CHSY1: variants seen among roughly 807,000 people sequenced by gnomAD.
CHSY1 encodes the protein chondroitin sulfate synthase 1.
A neutral mutation model predicts 59.8 loss-of-function variants in CHSY1; 13 were observed. That is an observed-to-expected ratio of 0.22 (90% CI 0.14 to 0.35). The LOEUF is 0.35. CHSY1 is among the 10% of genes least tolerant of loss of function. The probability of loss-of-function intolerance (pLI) is 1.00; values close to 1 mark genes in which losing one functional copy is unlikely to be tolerated. For missense variants in CHSY1, 947 were observed against 1,030.6 expected (o/e 0.92, Z 1.11); for synonymous variants, 459 against 401.2 (o/e 1.14, Z -1.72).
At chr15:101,210,087 G>C (rs1425253512) in intron 2 of CHSY1, among the ~76,000 whole-genome samples, 1 of 151,958 alleles carries the variant, frequency 6.6e-6, no homozygotes, top group South Asian at 2.1e-4. Context: ...ATGTTTCTAG[G>C]AAAAAGCATG....
intron 2 of CHSY1, among the ~76,000 whole-genome samples, chr15:101,193,897 T>A (rs1006358634): frequency 6.6e-6 from 1 of 152,176 alleles, no homozygotes; most frequent in African/African-American, 2.4e-5. Context: ...TTCTGCTTGG[T>A]GAGCAGGTGG....
At chr15:101,185,369 G>T in intron 2 of CHSY1, among the ~76,000 whole-genome samples, 1 of 151,216 alleles carries the variant, frequency 6.6e-6, no homozygotes, top group African/African-American at 2.4e-5. Context: ...CCAGGCTCCA[G>T]GGCCATGGGA....
chr15:101,179,497 A>G (rs2038245614), intron 2 of CHSY1, among the ~76,000 whole-genome samples: 1 of 152,326 alleles, frequency 6.6e-6, no homozygotes, highest in South Asian at 2.1e-4. Flanking sequence ...AGCCTATCAG[A>G]GGCAGGAGGC....
chr15:101,237,248 A>AAAAC (rs2038954345), intron 1 of CHSY1, among the ~76,000 whole-genome samples: 1 of 146,946 alleles, frequency 6.8e-6, no homozygotes, highest in African/African-American at 2.6e-5. Flanking sequence ...AAAAAAAAAA[A>AAAAC]CAGAGGCAAA....
At chr15:101,226,240 T>A (rs2038840462) in intron 2 of CHSY1, among the ~76,000 whole-genome samples, 1 of 152,230 alleles carries the variant, frequency 6.6e-6, no homozygotes, top group East Asian at 1.9e-4. Flanking sequence ...AGGGCTTTGC[T>A]TTTCAGATAC....
chr15:101,224,735 A>G (rs1443396208), intron 2 of CHSY1, among the ~76,000 whole-genome samples: 1 of 152,108 alleles, frequency 6.6e-6, no homozygotes, highest in Non-Finnish European at 1.5e-5. Flanking sequence ...ACACTTCTAA[A>G]CCTTACACTT....
chr15:101,190,406 G>A (rs151207102), intron 2 of CHSY1, among the ~76,000 whole-genome samples: 3 of 152,214 alleles, frequency 2.0e-5, no homozygotes, highest in East Asian at 3.9e-4. Flanking sequence ...TCAACCCTTG[G>A]GGCTGGAACA....
At chr15:101,206,102 A>G (rs1289346875) in intron 2 of CHSY1, among the ~76,000 whole-genome samples, 1 of 152,214 alleles carries the variant, frequency 6.6e-6, no homozygotes, top group Non-Finnish European at 1.5e-5. Context: ...TATATGCTTC[A>G]TAACGTTTGC....
intron 1 of CHSY1, among the ~76,000 whole-genome samples, chr15:101,238,605 G>A (rs2038971223): frequency 6.6e-6 from 1 of 152,170 alleles, no homozygotes; most frequent in Admixed American, 6.5e-5. Flanking sequence ...ACTATAAAAT[G>A]CATCCTAATT....
chr15:101,248,129 T>G (rs939573727), intron 1 of CHSY1, among the ~76,000 whole-genome samples: 5 of 152,170 alleles, frequency 3.3e-5, no homozygotes, highest in African/African-American at 1.2e-4. Flanking sequence ...GCTCAGCACA[T>G]CGATTTCCAA....
intron 2 of CHSY1, among the ~76,000 whole-genome samples, chr15:101,204,386 A>T (rs2038603321): frequency 6.6e-6 from 1 of 151,464 alleles, no homozygotes; most frequent in Non-Finnish European, 1.5e-5. Flanking sequence ...GTGAGTCGAG[A>T]TCGTGCCATT....
intron 1 of CHSY1, among the ~76,000 whole-genome samples, chr15:101,238,508 T>A (rs2038970045): frequency 6.6e-6 from 1 of 152,216 alleles, no homozygotes; most frequent in Non-Finnish European, 1.5e-5. Flanking sequence ...TTCATCACAT[T>A]TAGGATGTTA....
chr15:101,246,552 A>C (rs1239033488), intron 1 of CHSY1, among the ~76,000 whole-genome samples: 1 of 152,220 alleles, frequency 6.6e-6, no homozygotes, highest in South Asian at 2.1e-4. Flanking sequence ...GAACAGACAG[A>C]AAGTTCAACG....
chr15:101,212,255 G>A (rs572713390), intron 2 of CHSY1, among the ~76,000 whole-genome samples: 4 of 152,284 alleles, frequency 2.6e-5, no homozygotes, highest in South Asian at 2.1e-4. Context: ...AAAACACATG[G>A]CAGTTTCTTA....
intron 2 of CHSY1, among the ~76,000 whole-genome samples, chr15:101,227,439 A>T (rs763474410): frequency 2.6e-5 from 4 of 152,216 alleles, no homozygotes; most frequent in Non-Finnish European, 5.9e-5. Context: ...GCACTGCCCA[A>T]GGGGATGGCT....
intron 2 of CHSY1, among the ~76,000 whole-genome samples, chr15:101,211,215 C>T (rs2038678746): frequency 6.6e-6 from 1 of 152,004 alleles, no homozygotes; most frequent in South Asian, 2.1e-4. Flanking sequence ...TCCCAGCTAC[C>T]TGGGAGGCTG....
intron 2 of CHSY1, among the ~76,000 whole-genome samples, chr15:101,199,435 G>A (rs1335094019): frequency 1.3e-5 from 2 of 152,180 alleles, no homozygotes; most frequent in Admixed American, 6.6e-5. Flanking sequence ...CCCAGGAGGC[G>A]GAAGTTGCAG....
chr15:101,249,849 A>T (rs1330349760), intron 1 of CHSY1, among the ~76,000 whole-genome samples: 1 of 152,182 alleles, frequency 6.6e-6, no homozygotes, highest in African/African-American at 2.4e-5. Context: ...CTGCATTCTA[A>T]GCTTTTCAAG....
At chr15:101,197,199 C>T (rs188162898) in intron 2 of CHSY1, among the ~76,000 whole-genome samples, 8 of 152,236 alleles carry the variant, frequency 5.3e-5, no homozygotes, top group Admixed American at 3.9e-4. Context: ...CCAGCCCCAA[C>T]GGGTGGAAGG....
Sources: gnomAD v4.1 joint callset for allele counts (sites outside exome capture counted in the v4.1 genomes callset) on GRCh38, gnomAD v4.1.1 for gene constraint, MANE v1.5 for transcripts, NCBI Gene and HGNC (gene_info 2026-07-23, HGNC 2026-07-21) for gene names.